TRHDE: variants seen among roughly 807,000 people sequenced by gnomAD.
TRHDE encodes thyrotropin-releasing hormone-degrading ectoenzyme.
TRHDE carries 72 observed loss-of-function variants against 125.7 expected under a neutral mutation model. That is an observed-to-expected ratio of 0.57 (90% CI 0.47 to 0.70). The LOEUF (loss-of-function observed/expected upper bound fraction) is 0.70. TRHDE is among the 30% of genes least tolerant of loss of function. The pLI is 0.00. For missense variants in TRHDE, 1,110 were observed against 1,327.1 expected (o/e 0.84, Z 2.54); for synonymous variants, 509 against 509.1 (o/e 1.00, Z 0.00).
intron 2 of TRHDE, among the ~76,000 whole-genome samples, chr12:72,207,642 C>T (rs775492197): frequency 3.9e-5 from 6 of 152,166 alleles, no homozygotes; most frequent in Non-Finnish European, 7.3e-5. Flanking sequence ...ATGTCAGCAG[C>T]TGTGTTTGAC....
At chr12:72,300,248 T>A (rs373333633) in intron 2 of TRHDE, among the ~76,000 whole-genome samples, 2 of 152,108 alleles carry the variant, frequency 1.3e-5, no homozygotes, top group African/African-American at 2.4e-5. Context: ...ATTGTGCTAA[T>A]ATATTTATGT....
intron 1 of TRHDE, among the ~76,000 whole-genome samples, chr12:72,104,107 G>A (rs1384804827): frequency 6.6e-6 from 1 of 152,180 alleles, no homozygotes; most frequent in African/African-American, 2.4e-5. Flanking sequence ...CACCAAATCG[G>A]TGAAGTCTGA....
chr12:72,190,358 C>A (rs908748119), intron 2 of TRHDE, among the ~76,000 whole-genome samples: 1 of 152,118 alleles, frequency 6.6e-6, no homozygotes, highest in Non-Finnish European at 1.5e-5. Flanking sequence ...TGCACAGATG[C>A]CCTGCTGTAG....
At chr12:72,266,987 A>G (rs1445904282) in intron 2 of TRHDE, among the ~76,000 whole-genome samples, 1 of 152,026 alleles carries the variant, frequency 6.6e-6, no homozygotes, top group African/African-American at 2.4e-5. Context: ...AATCTTAGCT[A>G]TTATTATTAT....
Position 72,156,336 on chromosome 12 carries a change from C to T in TRHDE, n.279+50584C>T, listed in dbSNP as rs376421378. Among the ~76,000 whole-genome samples the T allele has an allele frequency of 2.9e-3, 444 of 152,332 alleles. 1 individual carries two copies. The highest frequency in any genetic ancestry group is 9.9e-3 in the African/African-American group (412 of 41,566). ...GGAAAGGGAATTCCCTGACCCCTTG[C>T]GCTTCCCGGATGAGGTGATGCCTCG... On this transcript the variant is annotated intron_variant and non_coding_transcript_variant, in intron 2 of 4. Coordinates refer to the TRHDE transcript ENST00000548156.
chr12:72,272,766 C>T lies in TRHDE; in HGVS notation c.123C>T (p.Pro41=), dbSNP rs570548613. 1.9e-6 allele frequency: 3 copies of T among 1,542,606 alleles called. No individual in the cohort carries two copies. The highest frequency in any genetic ancestry group is 1.4e-5 in the African/African-American group (1 of 73,452). ...AGGGGGCCGAGAAGAGCAGCTCACCCTTCGCAGCCGCGATGGGGGAAGACG... is the reference window on the plus strand; with the variant it reads ...AGGGGGCCGAGAAGAGCAGCTCACCTTTCGCAGCCGCGATGGGGGAAGACG... The part of the protein sequence containing the change: ...EEEGAEKSSS[P]FAAAMGEDDA... The change falls in exon 1 of 19, where the codon CCC becomes CCT. Residue 41 remains proline (P), a synonymous_variant. Coordinates refer to ENST00000261180, the MANE Select transcript of TRHDE (RefSeq NM_013381.3). This position sits in a 1 kb window ranked among gnomAD's most constrained non-coding sequence, Gnocchi z 6.7.
At chr12:72,363,597 A>G (rs1044361305) in intron 2 of TRHDE, among the ~76,000 whole-genome samples, 1 of 152,110 alleles carries the variant, frequency 6.6e-6, no homozygotes, top group African/African-American at 2.4e-5. Flanking sequence ...CTCTCAATAA[A>G]TTAGGTACTG....
At chr12:72,606,222 A>G (rs1872436805) in intron 12 of TRHDE, among the ~76,000 whole-genome samples, 1 of 152,150 alleles carries the variant, frequency 6.6e-6, no homozygotes, top group Non-Finnish European at 1.5e-5. Flanking sequence ...TGTGACAGAG[A>G]CTGTTTGACT....
intron 3 of TRHDE, among the ~76,000 whole-genome samples, chr12:72,421,671 G>C (rs1873961684): frequency 6.6e-6 from 1 of 152,184 alleles, no homozygotes; most frequent in African/African-American, 2.4e-5. Context: ...AGACATTGCT[G>C]TGGGAATTTT....
chr12:72,435,720 T>A (rs1404302126), intron 3 of TRHDE, among the ~76,000 whole-genome samples: 3 of 151,812 alleles, frequency 2.0e-5, no homozygotes, highest in African/African-American at 7.3e-5. Context: ...TAATAGGCAT[T>A]TTTTCATAAT....
At chr12:72,227,445 C>A (rs1300427781) in intron 2 of TRHDE, among the ~76,000 whole-genome samples, 1 of 152,134 alleles carries the variant, frequency 6.6e-6, no homozygotes, top group African/African-American at 2.4e-5. Flanking sequence ...GGGAAAGACT[C>A]ACCCCTGTGA....
chr12:72,142,301 C>CT (rs889830812), intron 2 of TRHDE, among the ~76,000 whole-genome samples: 39 of 152,062 alleles, frequency 2.6e-4, no homozygotes, highest in Non-Finnish European at 5.3e-4. Context: ...CCATGGGTTC[C>CT]TTTTTTTCTT....
Position 72,431,971 on chromosome 12 carries a change from G to A in TRHDE, c.1316-37787G>A, listed in dbSNP as rs1382095936. 4.1e-5 allele frequency: 8 copies of A among 193,602 alleles called. No individual in the cohort carries two copies. The East Asian group carries it at 1.0e-3, about 24-fold the overall frequency. 12.0% of individuals were successfully genotyped at this position (193,602 alleles called of 1,614,324 possible). A position where few individuals can be genotyped will look rare whatever the true frequency, so the allele number is the denominator to read the frequency against. On this transcript the variant is annotated intron_variant, in intron 3 of 18. Coordinates refer to ENST00000261180, the MANE Select transcript of TRHDE (RefSeq NM_013381.3). ...ACAGTACCAGGCCTGTAACTATGAG[G>A]TTTCTTTCTTCCTCCCATAGAGGGT... is the stretch of plus-strand genomic sequence containing the variant.
chr12:72,455,712 T>G (rs1875810545), intron 3 of TRHDE, among the ~76,000 whole-genome samples: 1 of 152,110 alleles, frequency 6.6e-6, no homozygotes, highest in African/African-American at 2.4e-5. Context: ...ATGTTAGAAG[T>G]GTCAGAAATA....
rs925413196 is a variant in TRHDE at position 72,508,350 on chromosome 12, A to G, written c.1722+8715A>G. The stretch of plus-strand genomic sequence containing the variant: ...CCATGGGAACTGAGCCCCCAAAGCT[A>G]CAGGGGCAGAGCTGCCTAAGGCCTT... On this transcript the variant is annotated intron_variant, in intron 6 of 18. Coordinates refer to ENST00000261180, the MANE Select transcript of TRHDE (RefSeq NM_013381.3). 5.3e-5 allele frequency among the ~76,000 whole-genome samples: 8 copies of G among 152,288 alleles called. No individual in the cohort carries two copies. The East Asian group carries it at 1.4e-3, about 26-fold the overall frequency.
chr12:72,510,258 C>T (rs923773331), intron 6 of TRHDE, among the ~76,000 whole-genome samples: 1 of 152,066 alleles, frequency 6.6e-6, no homozygotes, highest in African/African-American at 2.4e-5. Context: ...TATAATAGAT[C>T]ACTATTTTGT....
In TRHDE at chr12:72,272,719, A is replaced by AAGAAGAAGG; in HGVS notation, c.78_79insAAGAAGGAG (p.Lys26_Glu27insLysLysGlu). The stretch of plus-strand genomic sequence containing the variant: ...GAAGAAAAAGAAGAGGAAGAAGAAG[A>AAGAAGAAGG]AGGAGGAGGAGGAGGAGGAGGAGGG... On this transcript the variant is annotated inframe_insertion, in exon 1 of 19. Coordinates refer to ENST00000261180, the MANE Select transcript of TRHDE (RefSeq NM_013381.3). This position sits in a 1 kb window ranked among gnomAD's most constrained non-coding sequence, Gnocchi z 6.7. 1.0e-6 allele frequency: 1 copy of AAGAAGAAGG among 999,992 alleles called. No homozygotes were observed. The highest frequency in any genetic ancestry group is 2.1e-5 in the South Asian group (1 of 47,860). 61.9% of individuals were successfully genotyped at this position (999,992 alleles called of 1,614,324 possible).
At chr12:72,235,220 G>A (rs979900479) in intron 2 of TRHDE, among the ~76,000 whole-genome samples, 1 of 152,102 alleles carries the variant, frequency 6.6e-6, no homozygotes, top group Non-Finnish European at 1.5e-5. Flanking sequence ...GGGTCTTCAG[G>A]GGACACAGTT....
At chr12:72,174,039 T>G (rs2139337092) in intron 2 of TRHDE, among the ~76,000 whole-genome samples, 2 of 152,346 alleles carry the variant, frequency 1.3e-5, no homozygotes, top group South Asian at 4.1e-4. Flanking sequence ...CTTAGCCATG[T>G]GACTTGCCTT....
Sources: gnomAD v4.1 joint callset for allele counts (sites outside exome capture counted in the v4.1 genomes callset) on GRCh38, gnomAD v4.1.1 for gene constraint, Gnocchi (gnomAD v3.1) non-coding constraint, MANE v1.5 for transcripts, NCBI Gene and HGNC (gene_info 2026-07-23, HGNC 2026-07-21) for gene names.